The following PID1 variants were observed in gnomAD, a reference collection of about 807,000 sequenced individuals.
PID1 encodes PTB-containing, cubilin and LRP1-interacting protein.
PID1 carries 10 observed loss-of-function variants against 19.1 expected under a neutral mutation model. The observed-to-expected ratio is 0.52, with a 90% confidence interval of 0.32 to 0.89. The LOEUF (loss-of-function observed/expected upper bound fraction) is 0.89, where lower values mean the gene tolerates loss of function less well. PID1 is among the 40% of genes least tolerant of loss of function. PID1 has a pLI of 0.03. For synonymous variants in PID1, 130 were observed against 116.0 expected (o/e 1.12, Z -0.78); for missense variants, 248 against 285.3 (o/e 0.87, Z 0.94).
At chr2:229,046,325 T>A (rs1693875883) in intron 2 of PID1, among the ~76,000 whole-genome samples, 5 of 151,330 alleles carry the variant, frequency 3.3e-5, no homozygotes, top group Admixed American at 3.3e-4. Context: ...ATGCTGAAAC[T>A]TCAGCATCCC....
chr2:229,155,684 T>C, intron 2 of PID1, 134 bp downstream of exon 2: 1 of 763,386 alleles, frequency 1.3e-6, no homozygotes, highest in Non-Finnish European at 2.0e-6. Context: ...ACCATCACTC[T>C]GTGAATTTAT....
chr2:229,076,765 T>A (rs1559222437), intron 2 of PID1, among the ~76,000 whole-genome samples: 1 of 152,222 alleles, frequency 6.6e-6, no homozygotes, highest in East Asian at 1.9e-4. Context: ...ATGGTATATA[T>A]GTGCCACATT....
intron 1 of PID1, among the ~76,000 whole-genome samples, chr2:229,210,667 C>T (rs933084200): frequency 4.7e-5 from 7 of 150,262 alleles, no homozygotes; most frequent in East Asian, 2.0e-4. Flanking sequence ...AAATTCTTTA[C>T]GTGCAGATAT....
intron 1 of PID1, among the ~76,000 whole-genome samples, chr2:229,240,417 A>G (rs2106275615): frequency 6.6e-6 from 1 of 152,214 alleles, no homozygotes; most frequent in African/African-American, 2.4e-5. Context: ...TGTAACTCAG[A>G]GGTTCCCAAA....
intron 1 of PID1, among the ~76,000 whole-genome samples, chr2:229,170,355 G>A (rs1330456833): frequency 2.0e-5 from 3 of 152,040 alleles, no homozygotes; most frequent in Admixed American, 6.6e-5. Context: ...TCATTTTGAG[G>A]CATTTGAACG....
At chr2:229,231,794 G>C in intron 1 of PID1, 1 of 1,411,196 alleles carries the variant, frequency 7.1e-7, no homozygotes, top group South Asian at 1.4e-5. Flanking sequence ...GTCCAGATGT[G>C]TGATGGCATT....
chr2:229,048,768 A>G (rs1310392933), intron 2 of PID1, among the ~76,000 whole-genome samples: 1 of 152,204 alleles, frequency 6.6e-6, no homozygotes, highest in Non-Finnish European at 1.5e-5. Flanking sequence ...TTTAATATGT[A>G]AAATGTATTA....
chr2:229,065,492 T>G (rs2106196744), intron 2 of PID1, among the ~76,000 whole-genome samples: 1 of 152,186 alleles, frequency 6.6e-6, no homozygotes, highest in Non-Finnish European at 1.5e-5. Context: ...TATTATAAAT[T>G]TTTAAATGCT....
At chr2:229,104,788 T>C (rs1290121205) in intron 2 of PID1, among the ~76,000 whole-genome samples, 1 of 152,228 alleles carries the variant, frequency 6.6e-6, no homozygotes, top group Non-Finnish European at 1.5e-5. Context: ...TATTAGTGCC[T>C]GACTTATAAG....
chr2:229,048,046 G>A (rs1693918199), intron 2 of PID1, among the ~76,000 whole-genome samples: 1 of 152,168 alleles, frequency 6.6e-6, no homozygotes, highest in Non-Finnish European at 1.5e-5. Context: ...TTTTTAGGGT[G>A]AGCCTCAGAG....
chr2:229,101,170 C>G (rs1271757621), intron 2 of PID1, among the ~76,000 whole-genome samples: 1 of 152,164 alleles, frequency 6.6e-6, no homozygotes. Flanking sequence ...TATCCAGTGT[C>G]AGGACAGAGT....
In PID1 at chr2:229,113,445, CACACAA is replaced by C. The variant is rs200065247; in HGVS notation, c.177+42367_177+42372del. On this transcript the variant is annotated intron_variant, in intron 2 of 2. Transcript: ENST00000392055. The stretch of plus-strand genomic sequence containing the variant: ...ATACACACACATACATATATATACA[CACACAA>C]ACACACACACACATAGATATGTGTG... 2.3e-3 allele frequency among the ~76,000 whole-genome samples: 208 copies of C among 91,476 alleles called. 2 individuals are homozygous for C. The highest frequency in any genetic ancestry group is 0.011 in the Admixed American group (84 of 7,422). 60.0% of individuals were successfully genotyped at this position (91,476 alleles called of 152,430 possible).
chr2:229,151,129 T>C (rs1690242407), intron 2 of PID1, among the ~76,000 whole-genome samples: 1 of 152,090 alleles, frequency 6.6e-6, no homozygotes, highest in African/African-American at 2.4e-5. Flanking sequence ...TTTAATTTTG[T>C]ATAGTCCATG....
At chr2:229,032,535 A>G (rs1693576911) in intron 2 of PID1, among the ~76,000 whole-genome samples, 1 of 152,230 alleles carries the variant, frequency 6.6e-6, no homozygotes, top group East Asian at 1.9e-4. Context: ...ATTGGTCACA[A>G]AATGTGTCCA....
At chr2:229,262,479 C>T (rs1467331935) in intron 1 of PID1, among the ~76,000 whole-genome samples, 1 of 151,974 alleles carries the variant, frequency 6.6e-6, no homozygotes, top group Non-Finnish European at 1.5e-5. Context: ...TAAACTCACA[C>T]TCGGTATTAA....
At chr2:229,132,724 T>C (rs1218996904) in intron 2 of PID1, among the ~76,000 whole-genome samples, 2 of 152,220 alleles carry the variant, frequency 1.3e-5, no homozygotes, top group Non-Finnish European at 2.9e-5. Context: ...TTCACCATGG[T>C]AACAAATTAT....
At chr2:229,061,701 T>A in intron 2 of PID1, among the ~76,000 whole-genome samples, 1 of 151,986 alleles carries the variant, frequency 6.6e-6, no homozygotes, top group East Asian at 1.9e-4. Context: ...CTTTGGATAG[T>A]ATGGAGATTT....
chr2:229,053,903 G>A (rs1694044363), intron 2 of PID1, among the ~76,000 whole-genome samples: 2 of 152,164 alleles, frequency 1.3e-5, no homozygotes, highest in African/African-American at 4.8e-5. Flanking sequence ...TTAGAATTAA[G>A]ATTCAGGTAA....
intron 1 of PID1, among the ~76,000 whole-genome samples, chr2:229,172,202 A>G (rs139479764): frequency 1.3e-5 from 2 of 152,180 alleles, no homozygotes; most frequent in African/African-American, 2.4e-5. Context: ...CTGAAGAAGG[A>G]CCTCTCTACC....
Sources: gnomAD v4.1 joint callset for allele counts (sites outside exome capture counted in the v4.1 genomes callset) on GRCh38, gnomAD v4.1.1 for gene constraint, MANE v1.5 for transcripts, NCBI Gene and HGNC (gene_info 2026-07-23, HGNC 2026-07-21) for gene names.